PIGG: variants seen among roughly 807,000 people sequenced by gnomAD.
PIGG encodes the protein GPI ethanolamine phosphate transferase 2, catalytic subunit.
In PIGG, 70 loss-of-function variants were observed where a neutral mutation model predicts 83.2. The observed-to-expected ratio is 0.84, with a 90% CI of 0.69 to 1.03. The LOEUF (loss-of-function observed/expected upper bound fraction) is 1.03. PIGG is among the 50% of genes least tolerant of loss of function. PIGG has a pLI of 0.00. For missense variants in PIGG, 1,257 were observed against 1,233.6 expected, an observed-to-expected ratio of 1.02 and a Z score of -0.28; for synonymous variants, 532 against 519.5, an observed-to-expected ratio of 1.02 and a Z score of -0.33.
intron 4 of PIGG, among the ~76,000 whole-genome samples, chr4:508,363 G>A (rs539293681): frequency 2.4e-4 from 36 of 152,374 alleles, no homozygotes; most frequent in African/African-American, 8.2e-4. Context: ...TTGTCCCGGA[G>A]CAGCAAAGGA....
chr4:515,925 CTTACACTTTCTA>C lies in PIGG; in HGVS notation c.902-47_902-36del, dbSNP rs1222990954. ...GGTCTAATTCAAGAATGAGTACCAT[CTTACACTTTCTA>C]GAAGTCTGTTACTTAAAATGTTTTC... On this transcript the variant is annotated intron_variant, in intron 5 of 12. Transcript: ENST00000453061. This position sits in a 1 kb window ranked among gnomAD's most constrained non-coding sequence, Gnocchi z 4.2. 6.9e-7 allele frequency: 1 copy of C among 1,454,054 alleles called. No individual in the cohort carries two copies. Among genetic ancestry groups the C allele is most frequent in the East Asian group, 2.3e-5 (1 of 44,106 alleles). 90.1% of individuals were successfully genotyped at this position (1,454,054 alleles called of 1,614,324 possible).
chr4:521,888 GTGAT>G lies in PIGG; in HGVS notation c.1564_1567del (p.Ile522CysfsTer4). On this transcript the variant is annotated frameshift_variant, in exon 8 of 13. Coordinates refer to ENST00000453061, the MANE Select transcript of PIGG (RefSeq NM_001127178.3). LOFTEE classifies it high-confidence loss of function. ...GGTGCTGGCCTCGGCGCTGCTGTGT[GTGAT>G]TGTGTCTGTTCTGACCAACGTGCTC... 6.2e-7 allele frequency: 1 copy of G among 1,614,226 alleles called. No homozygotes were observed. The highest frequency in any genetic ancestry group is 2.2e-5 in the East Asian group (1 of 44,884).
At chr4:520,624 T>G (rs1251313425) in intron 6 of PIGG, among the ~76,000 whole-genome samples, 1 of 152,262 alleles carries the variant, frequency 6.6e-6, no homozygotes, top group African/African-American at 2.4e-5. Flanking sequence ...CATACAGTGC[T>G]GTAAGGGTTA....
intron 10 of PIGG, among the ~76,000 whole-genome samples, chr4:529,248 T>C (rs1054817863): frequency 3.9e-5 from 6 of 152,218 alleles, no homozygotes; most frequent in African/African-American, 1.4e-4. Flanking sequence ...ACTTCTCCAG[T>C]GATTGTGACC....
rs1334079142 is a variant in PIGG, at chr4:515,604, A to G, written c.902-369A>G. Among the ~76,000 whole-genome samples, 1 of 152,216 alleles carries G rather than the reference A, an allele frequency of 6.6e-6. No homozygotes were observed. The highest frequency in any genetic ancestry group is 2.4e-5 in the African/African-American group (1 of 41,464). ...GAGGGGCCGGGCTGTCAGCGATCCC[A>G]GCCTCACTTCATTCTCCGGTTGGCT... is the stretch of plus-strand genomic sequence containing the variant. On this transcript the variant is annotated intron_variant, in intron 5 of 12. Transcript: ENST00000453061. This position sits in a 1 kb window ranked among gnomAD's most constrained non-coding sequence, Gnocchi z 4.2.
At position 507,416 on chromosome 4, in the gene PIGG, T is replaced by G; in HGVS notation, c.582T>G (p.Asn194Lys). 1 of 1,610,736 alleles carries G rather than the reference T, an allele frequency of 6.2e-7. No individual in the cohort carries two copies. The highest frequency in any genetic ancestry group is 8.5e-7 in the Non-Finnish European group (1 of 1,177,594). Residue 194 changes from asparagine (N) to lysine (K), a missense_variant, in exon 4 of 13, where the codon AAT (asparagine) becomes AAG (lysine). Transcript: ENST00000453061. ...TTTCCCCTTCAAAGGTGGATAATAA[T>G]GTCACGAGGCATTTGGATAAAGTAT... The part of the protein sequence containing the change: ...FVSDYTEVDN[N>K]VTRHLDKVLK...
chr4:530,117 C>A (rs1255685383), intron 10 of PIGG, among the ~76,000 whole-genome samples: 1 of 152,108 alleles, frequency 6.6e-6, no homozygotes, highest in African/African-American at 2.4e-5. Flanking sequence ...AGCAGGCGGG[C>A]CACGAGGGCA....
intron 1 of PIGG, chr4:500,113 C>T: frequency 2.6e-6 from 1 of 385,736 alleles, no homozygotes; most frequent in Non-Finnish European, 4.7e-6. Context: ...CCTAAATGTC[C>T]CATTCCAGGA....
chr4:533,493 A>C, intron 11 of PIGG: 1 of 326,200 alleles, frequency 3.1e-6, no homozygotes, highest in Non-Finnish European at 5.9e-6. Flanking sequence ...GGTCTGGACA[A>C]GGGTCTTAGA....
chr4:504,095 G>T (rs1238813142), intron 2 of PIGG, among the ~76,000 whole-genome samples: 2 of 152,198 alleles, frequency 1.3e-5, no homozygotes, highest in South Asian at 2.1e-4. Context: ...AATGTTGGTG[G>T]CTGTTAGGGT....
chr4:514,571 C>T (rs1723228278), intron 5 of PIGG, among the ~76,000 whole-genome samples: 1 of 152,178 alleles, frequency 6.6e-6, no homozygotes, highest in South Asian at 2.1e-4. Context: ...AGATCACTGT[C>T]TCAGAGCTAC....
chr4:538,033 T>C (rs1209548233), intron 12 of PIGG, among the ~76,000 whole-genome samples: 1 of 149,982 alleles, frequency 6.7e-6, no homozygotes, highest in Non-Finnish European at 1.5e-5. Context: ...AGGAGCCCTT[T>C]ACAGGACATG....
Position 528,659 on chromosome 4 carries a change from G to T in PIGG, c.2261+1429G>T. ...CTGAGACTTAGGGCTCATCCAAATG[G>T]ATGTTACATTTGCGGGTGTGTGTTT... On this transcript the variant is annotated intron_variant, in intron 10 of 12. Coordinates refer to ENST00000453061, the MANE Select transcript of PIGG (RefSeq NM_001127178.3). This position sits in a 1 kb window ranked among gnomAD's most constrained non-coding sequence, Gnocchi z 4.8. 1.0e-6 allele frequency: 1 copy of T among 984,454 alleles called. No individual in the cohort carries two copies. The highest frequency in any genetic ancestry group is 1.2e-6 in the Non-Finnish European group (1 of 829,072). The allele number at this position is 984,454 out of a possible 1,614,324, so 61.0% of individuals were successfully genotyped here.
At chr4:534,393 C>T (rs1307226691) in intron 12 of PIGG, among the ~76,000 whole-genome samples, 2 of 152,022 alleles carry the variant, frequency 1.3e-5, no homozygotes, top group East Asian at 1.9e-4. Context: ...TCTCGGCCCC[C>T]AGAGACCCTG....
In PIGG at chr4:515,778, C is replaced by T. The variant is rs568822773; in HGVS notation, c.902-195C>T. On this transcript the variant is annotated intron_variant, in intron 5 of 12. Transcript: ENST00000453061. This position sits in a 1 kb window ranked among gnomAD's most constrained non-coding sequence, Gnocchi z 4.2. ...TTGCAGGCTACTGAAGGAAAGACAC[C>T]GTCCCTGGCATAGAATGGGTTCGGT... Among the ~76,000 whole-genome samples the T allele has an allele frequency of 1.3e-5, 2 of 152,336 alleles. No homozygotes were observed. The highest frequency in any genetic ancestry group is 2.1e-4 in the South Asian group (1 of 4,832).
In PIGG at chr4:528,448, C is replaced by A. The variant is rs944039347; in HGVS notation, c.2261+1218C>A. On this transcript the variant is annotated intron_variant, in intron 10 of 12. Coordinates refer to ENST00000453061, the MANE Select transcript of PIGG (RefSeq NM_001127178.3). The surrounding 1 kb of genome is among the most constrained non-coding windows in gnomAD (Gnocchi z 4.8). ...GTGGCCGTGGGGCTCCGGGGGCACC[C>A]CTGGAAGTACTTCCTGGCTGAGTGG... 1.0e-6 allele frequency: 1 copy of A among 985,324 alleles called. No homozygotes were observed. Among genetic ancestry groups the A allele is most frequent in the South Asian group, 4.7e-5 (1 of 21,276 alleles). The allele number at this position is 985,324 out of a possible 1,614,324, so 61.0% of individuals were successfully genotyped here. A position where few individuals can be genotyped will look rare whatever the true frequency, so the allele number is the denominator to read the frequency against.
chr4:514,092 G>A (rs368764073), intron 5 of PIGG, among the ~76,000 whole-genome samples: 18 of 152,150 alleles, frequency 1.2e-4, no homozygotes, highest in African/African-American at 4.1e-4. Context: ...GAAAATTCTG[G>A]ATGTAGAACG....
chr4:499,825 G>A, intron 1 of PIGG: 1 of 902,822 alleles, frequency 1.1e-6, no homozygotes, highest in Non-Finnish European at 1.4e-6. Flanking sequence ...CCCGTTATAG[G>A]CGCCCTTTTT....
At chr4:524,644 C>T (rs1441283862) in intron 9 of PIGG, 1 of 152,136 alleles carries the variant, frequency 6.6e-6, no homozygotes, top group African/African-American at 2.4e-5. Context: ...ACGTCTCCCA[C>T]AAGGCTCACT....
Sources: allele counts gnomAD v4.1 joint callset (sites outside exome capture counted in the v4.1 genomes callset), GRCh38; gene constraint gnomAD v4.1.1; non-coding constraint Gnocchi (gnomAD v3.1); transcripts MANE v1.5; gene names NCBI Gene and HGNC (gene_info 2026-07-23, HGNC 2026-07-21).